Variants in FER observed in about 807,000 individuals in gnomAD.
The protein encoded by FER is FER tyrosine kinase.
A neutral mutation model predicts 111.0 loss-of-function variants in FER; 63 were observed. The observed-to-expected ratio is 0.57, with a 90% CI of 0.46 to 0.70. The LOEUF (loss-of-function observed/expected upper bound fraction) is 0.70, where lower values mean the gene tolerates loss of function less well. FER is among the 30% of genes least tolerant of loss of function. The pLI, the probability that FER is intolerant of heterozygous loss-of-function variation, is 0.00. For synonymous variants in FER, 327 were observed against 313.9 expected, an observed-to-expected ratio of 1.04 and a Z score of -0.44; for missense variants, 914 against 954.0, an observed-to-expected ratio of 0.96 and a Z score of 0.55.
intron 13 of FER, among the ~76,000 whole-genome samples, chr5:109,026,082 T>C (rs1008023330): frequency 5.9e-5 from 9 of 152,300 alleles, no homozygotes; most frequent in East Asian, 1.9e-4. Flanking sequence ...CAGAAAATTA[T>C]ACAGCCTTTT....
chr5:109,050,173 A>G (rs1444706685), intron 16 of FER, among the ~76,000 whole-genome samples: 1 of 152,068 alleles, frequency 6.6e-6, no homozygotes, highest in African/African-American at 2.4e-5. Flanking sequence ...AATTCATTTC[A>G]GTAATAGCAT....
intron 3 of FER, among the ~76,000 whole-genome samples, chr5:108,809,675 A>G (rs1362501463): frequency 6.6e-6 from 1 of 152,080 alleles, no homozygotes; most frequent in South Asian, 2.1e-4. Context: ...TAATCCTCCT[A>G]TCTTAGCCTC....
At chr5:109,070,091 G>A (rs904879639) in intron 16 of FER, among the ~76,000 whole-genome samples, 1 of 151,488 alleles carries the variant, frequency 6.6e-6, no homozygotes, top group Non-Finnish European at 1.5e-5. Context: ...GTGGTTTTTT[G>A]GAGTAATTAT....
At chr5:108,775,953 G>C (rs1221743871) in intron 2 of FER, among the ~76,000 whole-genome samples, 2 of 152,110 alleles carry the variant, frequency 1.3e-5, no homozygotes, top group Admixed American at 6.6e-5. Context: ...CTATCTTGCT[G>C]TGGCAGCTTA....
intron 16 of FER, among the ~76,000 whole-genome samples, chr5:109,067,650 C>T (rs1262493454): frequency 6.6e-6 from 1 of 151,984 alleles, no homozygotes; most frequent in African/African-American, 2.4e-5. Flanking sequence ...TTCTAATCAT[C>T]TGCTACTATA....
At chr5:109,048,605 T>C (rs908766940) in intron 16 of FER, among the ~76,000 whole-genome samples, 6 of 152,194 alleles carry the variant, frequency 3.9e-5, no homozygotes, top group Non-Finnish European at 5.9e-5. Flanking sequence ...AGACTCTGAC[T>C]AGTAACCTGT....
intron 10 of FER, among the ~76,000 whole-genome samples, chr5:108,935,449 T>A (rs146281209): frequency 0.012 from 1,787 of 152,212 alleles, 17 homozygotes; most frequent in Non-Finnish European, 0.02. Flanking sequence ...TTTGATCTCA[T>A]GTTGAGACCC....
At chr5:108,867,680 A>G in intron 5 of FER, 87 bp from the exon 6 acceptor site, 1 of 1,260,140 alleles carries the variant, frequency 7.9e-7, no homozygotes, top group East Asian at 2.5e-5. Context: ...ATAACATAAA[A>G]CAGTAGTAAT....
chr5:108,919,643 G>C (rs1186717533), intron 10 of FER, among the ~76,000 whole-genome samples: 5 of 152,124 alleles, frequency 3.3e-5, no homozygotes, highest in Non-Finnish European at 2.9e-5. Context: ...GTCCTGCAAG[G>C]GAGTTATTCC....
chr5:108,847,528 T>C (rs1348076971), intron 5 of FER, among the ~76,000 whole-genome samples: 1 of 152,188 alleles, frequency 6.6e-6, no homozygotes. Flanking sequence ...TCCAGTTGTT[T>C]AATAGTATTA....
At chr5:109,025,790 A>G (rs574164980) in intron 13 of FER, among the ~76,000 whole-genome samples, 2 of 151,970 alleles carry the variant, frequency 1.3e-5, no homozygotes, top group African/African-American at 4.8e-5. Context: ...TTTGAAATAC[A>G]TCCCATCAAT....
chr5:108,994,046 G>A (rs1041154615), intron 13 of FER, among the ~76,000 whole-genome samples: 1 of 152,160 alleles, frequency 6.6e-6, no homozygotes, highest in African/African-American at 2.4e-5. Flanking sequence ...TGGATAGATT[G>A]CAAAATTTTT....
intron 16 of FER, among the ~76,000 whole-genome samples, chr5:109,088,203 C>A (rs1228248701): frequency 6.6e-6 from 1 of 151,950 alleles, no homozygotes; most frequent in Non-Finnish European, 1.5e-5. Context: ...TTGGTAGGTT[C>A]CCATTTGCAT....
At chr5:109,078,010 A>C (rs953207713) in intron 16 of FER, among the ~76,000 whole-genome samples, 1 of 152,198 alleles carries the variant, frequency 6.6e-6, no homozygotes, top group Admixed American at 6.5e-5. Context: ...TTTTTGAAAT[A>C]AACTAATATC....
chr5:108,982,240 C>T (rs1208467130), intron 13 of FER, among the ~76,000 whole-genome samples: 1 of 151,626 alleles, frequency 6.6e-6, no homozygotes, highest in East Asian at 1.9e-4. Flanking sequence ...ATAAAGTAAT[C>T]TAGATGGAAA....
At chr5:108,805,454 G>T (rs765717919) in intron 3 of FER, among the ~76,000 whole-genome samples, 3 of 152,202 alleles carry the variant, frequency 2.0e-5, no homozygotes, top group Non-Finnish European at 4.4e-5. Flanking sequence ...TGAAAATGTG[G>T]TAATGACTTT....
intron 15 of FER, among the ~76,000 whole-genome samples, chr5:109,046,482 A>G (rs147089456): frequency 6.6e-6 from 1 of 152,288 alleles, no homozygotes; most frequent in East Asian, 1.9e-4. Context: ...TAGATTAACT[A>G]GTTTTTAACA....
intron 3 of FER, among the ~76,000 whole-genome samples, chr5:108,832,264 C>A (rs191284069): frequency 6.6e-6 from 1 of 152,182 alleles, no homozygotes; most frequent in Admixed American, 6.5e-5. Flanking sequence ...GGGAGGAAAA[C>A]AAGCCAGGAA....
chr5:109,153,209 T>TA (rs145045504), intron 17 of FER, among the ~76,000 whole-genome samples: 17,703 of 145,932 alleles, frequency 0.12, 1,003 homozygotes, highest in African/African-American at 0.13. Flanking sequence ...GATTTTATGG[T>TA]AAAAAAAAAA....
Sources: gnomAD v4.1 joint callset for allele counts (sites outside exome capture counted in the v4.1 genomes callset) on GRCh38, gnomAD v4.1.1 for gene constraint, MANE v1.5 for transcripts, NCBI Gene and HGNC (gene_info 2026-07-23, HGNC 2026-07-21) for gene names.